Variants in VSNL1 observed in about 807,000 individuals in gnomAD.
VSNL1 encodes visinin like 1, also known as visinin-like protein 1.
VSNL1 carries 6 observed loss-of-function variants against 20.4 expected under a neutral mutation model. The ratio of observed to expected loss-of-function variants is 0.29; its 90% CI spans 0.16 to 0.58. The LOEUF is 0.58. VSNL1 is among the 20% of genes least tolerant of loss of function. VSNL1 has a pLI of 0.90. For synonymous variants in VSNL1, 93 were observed against 86.4 expected, an observed-to-expected ratio of 1.08 and a Z score of -0.42; for missense variants, 100 against 234.5, an observed-to-expected ratio of 0.43 and a Z score of 3.75.
chr2:17,577,191 A>G (rs1664234457), intron 1 of VSNL1, among the ~76,000 whole-genome samples: 1 of 152,234 alleles, frequency 6.6e-6, no homozygotes, highest in South Asian at 2.1e-4. Context: ...TATATAGTCC[A>G]TTGTTGAGTG....
At chr2:17,570,839 G>A (rs1453279188) in intron 1 of VSNL1, among the ~76,000 whole-genome samples, 2 of 152,134 alleles carry the variant, frequency 1.3e-5, no homozygotes, top group Non-Finnish European at 2.9e-5. Flanking sequence ...GAGGTCAGGA[G>A]TTCGAGGCCA....
At chr2:17,581,968 T>A (rs952191805) in intron 1 of VSNL1, among the ~76,000 whole-genome samples, 1 of 152,084 alleles carries the variant, frequency 6.6e-6, no homozygotes, top group Non-Finnish European at 1.5e-5. Context: ...CTGTGGCAGG[T>A]GATGCAGCAA....
intron 2 of VSNL1, among the ~76,000 whole-genome samples, chr2:17,626,263 G>A (rs1381014171): frequency 6.6e-6 from 1 of 152,176 alleles, no homozygotes; most frequent in Non-Finnish European, 1.5e-5. Context: ...AGACTGTTGG[G>A]AGTTCTGGCC....
intron 2 of VSNL1, among the ~76,000 whole-genome samples, chr2:17,605,717 G>A (rs754160706): frequency 3.3e-4 from 50 of 152,154 alleles, no homozygotes; most frequent in Non-Finnish European, 6.2e-4. Context: ...TGGAGTGTAG[G>A]TGGCAGGAAA....
rs1666242926 is a variant in VSNL1 at position 17,656,808 on chromosome 2, C to T, written c.*1414C>T. On this transcript the variant is annotated 3_prime_UTR_variant, in exon 4 of 4. Transcript: ENST00000295156. Reference sequence around the variant, plus strand: ...TAACTGCACATATGGCTACTGAGCACTTCAAGTATGGCTAGCGTGACTAAG... The same window carrying T: ...TAACTGCACATATGGCTACTGAGCATTTCAAGTATGGCTAGCGTGACTAAG... 6.6e-6 allele frequency: 1 copy of T among 152,198 alleles called. No individual in the cohort carries two copies. Among genetic ancestry groups the T allele is most frequent in the Non-Finnish European group, 1.5e-5 (1 of 68,048 alleles). The allele number at this position is 152,198 out of a possible 1,614,324, so 9.4% of individuals were successfully genotyped here.
intron 2 of VSNL1, among the ~76,000 whole-genome samples, chr2:17,595,326 T>C (rs1664687882): frequency 6.6e-6 from 1 of 152,202 alleles, no homozygotes; most frequent in South Asian, 2.1e-4. Flanking sequence ...TATGGGACAG[T>C]CCTGCCTGCC....
chr2:17,592,733 C>G (rs1364034999), intron 2 of VSNL1, among the ~76,000 whole-genome samples: 3 of 122,700 alleles, frequency 2.4e-5, no homozygotes, highest in African/African-American at 9.2e-5. Context: ...CACAACAGAA[C>G]ATTTAGAAAA....
intron 1 of VSNL1, 87 bp from the exon 2 acceptor site, chr2:17,591,983 G>T: frequency 2.0e-6 from 3 of 1,481,768 alleles, no homozygotes; most frequent in Non-Finnish European, 2.8e-6. Context: ...CCGACCATGG[G>T]ACTGCTCAGA....
intron 1 of VSNL1, among the ~76,000 whole-genome samples, chr2:17,589,312 C>G (rs1341857440): frequency 6.6e-6 from 1 of 152,132 alleles, no homozygotes; most frequent in Non-Finnish European, 1.5e-5. Flanking sequence ...TAGGCAGGAC[C>G]TGAGCCACGC....
intron 2 of VSNL1, among the ~76,000 whole-genome samples, chr2:17,618,541 T>C (rs566904707): frequency 2.6e-5 from 4 of 152,362 alleles, no homozygotes; most frequent in African/African-American, 9.6e-5. Flanking sequence ...AAGTCCCTTT[T>C]GCCATGTAAG....
chr2:17,601,256 T>G (rs2103384722), intron 2 of VSNL1, among the ~76,000 whole-genome samples: 1 of 152,174 alleles, frequency 6.6e-6, no homozygotes, highest in Non-Finnish European at 1.5e-5. Flanking sequence ...TGAATGAGGG[T>G]TTAAAGCTAG....
At chr2:17,630,880 C>T (rs1419975602) in intron 2 of VSNL1, among the ~76,000 whole-genome samples, 2 of 152,230 alleles carry the variant, frequency 1.3e-5, no homozygotes, top group Admixed American at 6.5e-5. Flanking sequence ...CTCCTGGGTT[C>T]AAGCAATTCT....
chr2:17,607,256 G>A (rs1664965752), intron 2 of VSNL1, among the ~76,000 whole-genome samples: 1 of 152,182 alleles, frequency 6.6e-6, no homozygotes, highest in Admixed American at 6.5e-5. Context: ...AAACCTGTCT[G>A]GGTTATAGAG....
chr2:17,611,965 A>T (rs1250924008), intron 2 of VSNL1, among the ~76,000 whole-genome samples: 1 of 152,204 alleles, frequency 6.6e-6, no homozygotes, highest in Non-Finnish European at 1.5e-5. Flanking sequence ...TCAGATTAAT[A>T]TCAGAATATA....
At chr2:17,622,540 GAAA>G (rs1665394190) in intron 2 of VSNL1, among the ~76,000 whole-genome samples, 2 of 35,838 alleles carry the variant, frequency 5.6e-5, no homozygotes, top group Admixed American at 2.5e-4. Flanking sequence ...AGAAAAGAAA[GAAA>G]GAAAGAAAGA....
chr2:17,599,758 G>A (rs1317235191), intron 2 of VSNL1, among the ~76,000 whole-genome samples: 1 of 152,194 alleles, frequency 6.6e-6, no homozygotes, highest in Non-Finnish European at 1.5e-5. Context: ...ATAGAGGTTG[G>A]GAAGTCAGGA....
At chr2:17,559,883 G>C (rs1280955651) in intron 1 of VSNL1, among the ~76,000 whole-genome samples, 1 of 151,758 alleles carries the variant, frequency 6.6e-6, no homozygotes, top group East Asian at 1.9e-4. Context: ...ATAAACATCA[G>C]AAAAGAGATT....
chr2:17,572,844 G>A (rs1447704687), intron 1 of VSNL1, among the ~76,000 whole-genome samples: 2 of 152,112 alleles, frequency 1.3e-5, no homozygotes, highest in South Asian at 2.1e-4. Flanking sequence ...CACTGCAAAG[G>A]TTGCTTCTCA....
intron 1 of VSNL1, among the ~76,000 whole-genome samples, chr2:17,584,023 C>T (rs1263933521): frequency 6.6e-6 from 1 of 152,168 alleles, no homozygotes; most frequent in Non-Finnish European, 1.5e-5. Context: ...CTCATTTATC[C>T]TCACAACAAC....
Sources: gnomAD v4.1 joint callset for allele counts (sites outside exome capture counted in the v4.1 genomes callset) on GRCh38, gnomAD v4.1.1 for gene constraint, MANE v1.5 for transcripts, NCBI Gene and HGNC (gene_info 2026-07-23, HGNC 2026-07-21) for gene names.